The following ARNT2 variants were observed in gnomAD, a reference collection of about 807,000 sequenced individuals.
ARNT2 encodes aryl hydrocarbon receptor nuclear translocator 2.
In ARNT2, 36 loss-of-function variants were observed where a neutral mutation model predicts 91.7. The ratio of observed to expected loss-of-function variants is 0.39; its 90% CI spans 0.30 to 0.52. The LOEUF is 0.52. ARNT2 is among the 20% of genes least tolerant of loss of function. ARNT2 has a pLI of 0.72. For synonymous variants in ARNT2, 365 were observed against 347.1 expected (o/e 1.05, Z -0.57); for missense variants, 775 against 939.3 (o/e 0.83, Z 2.29).
intron 5 of ARNT2, among the ~76,000 whole-genome samples, chr15:80,488,210 G>A (rs1041351008): frequency 6.6e-6 from 1 of 152,254 alleles, no homozygotes; most frequent in Middle Eastern, 3.4e-3. Context: ...CTCTGTCCTG[G>A]ATAAAGAGGG....
intron 17 of ARNT2, among the ~76,000 whole-genome samples, chr15:80,585,638 CACTG>C (rs1221589473): frequency 6.6e-6 from 1 of 152,190 alleles, no homozygotes; most frequent in Non-Finnish European, 1.5e-5. Flanking sequence ...GCAGCCTGCC[CACTG>C]ACTGAGACAC....
intron 5 of ARNT2, among the ~76,000 whole-genome samples, chr15:80,493,256 AC>A (rs1182340983): frequency 1.3e-5 from 2 of 148,914 alleles, no homozygotes; most frequent in African/African-American, 5.0e-5. Flanking sequence ...TGACTTGATC[AC>A]CTCTTAAAGG....
chr15:80,568,600 A>G (rs1033346793), intron 12 of ARNT2, among the ~76,000 whole-genome samples: 9 of 152,206 alleles, frequency 5.9e-5, no homozygotes, highest in African/African-American at 1.7e-4. Flanking sequence ...GTACAAATGA[A>G]GTCAAAGGAA....
At chr15:80,420,452 G>A (rs1895846566) in intron 1 of ARNT2, among the ~76,000 whole-genome samples, 1 of 152,096 alleles carries the variant, frequency 6.6e-6, no homozygotes, top group Non-Finnish European at 1.5e-5. Flanking sequence ...GCATGTTTAA[G>A]GTAGGCTAAG....
rs144643678 is a variant in ARNT2, at chr15:80,548,801, C to T, written c.878-2398C>T. 2.7e-3 allele frequency among the ~76,000 whole-genome samples: 405 copies of T among 152,150 alleles called. 2 individuals carry two copies. Among genetic ancestry groups the T allele is most frequent in the African/African-American group, 9.5e-3 (395 of 41,532 alleles). ...ATCCTTTGTTCTTGGGAGGATAACTCAACATTGTAACTTCAGGAGATGTCA... is the reference window on the plus strand; with the variant it reads ...ATCCTTTGTTCTTGGGAGGATAACTTAACATTGTAACTTCAGGAGATGTCA... On this transcript the variant is annotated intron_variant, in intron 8 of 18. Coordinates refer to ENST00000303329, the MANE Select transcript of ARNT2 (RefSeq NM_014862.4).
At chr15:80,422,084 AC>A (rs1895868845) in intron 1 of ARNT2, among the ~76,000 whole-genome samples, 1 of 151,998 alleles carries the variant, frequency 6.6e-6, no homozygotes, top group Admixed American at 6.6e-5. Flanking sequence ...GAGAGGTGAG[AC>A]CTCCTCCTTC....
Position 80,581,233 on chromosome 15 carries a change from T to A in ARNT2, c.1753-6T>A, listed in dbSNP as rs374168526. ...TTTCCATCTCTTTGCTTTGTCCTGA[T>A]TGTAGCAAATCCCATCTCAGTCCAG... On this transcript the variant is annotated splice_polypyrimidine_tract_variant and splice_region_variant and intron_variant, in intron 16 of 18. Coordinates refer to ENST00000303329, the MANE Select transcript of ARNT2 (RefSeq NM_014862.4). The A allele has an allele frequency of 6.2e-7, 1 of 1,614,068 alleles. No individual in the cohort carries two copies. Among genetic ancestry groups the A allele is most frequent in the East Asian group, 2.2e-5 (1 of 44,868 alleles).
At chr15:80,472,004 A>G (rs1441142173) in intron 4 of ARNT2, among the ~76,000 whole-genome samples, 2 of 152,176 alleles carry the variant, frequency 1.3e-5, no homozygotes, top group Admixed American at 1.3e-4. Context: ...CAGTGTGCTC[A>G]TCTGTGAAAT....
chr15:80,432,762 T>C (rs1022810567), intron 1 of ARNT2, among the ~76,000 whole-genome samples: 1 of 152,042 alleles, frequency 6.6e-6, no homozygotes, highest in African/African-American at 2.4e-5. Flanking sequence ...AGGTATGGTC[T>C]CACCATCACA....
chr15:80,514,904 AC>A (rs1897408929), intron 8 of ARNT2, among the ~76,000 whole-genome samples: 1 of 152,092 alleles, frequency 6.6e-6, no homozygotes, highest in Non-Finnish European at 1.5e-5. Context: ...AAACAAACAA[AC>A]AAAAAACAAA....
intron 8 of ARNT2, among the ~76,000 whole-genome samples, chr15:80,532,079 A>T (rs1897749378): frequency 6.6e-6 from 1 of 152,200 alleles, no homozygotes; most frequent in African/African-American, 2.4e-5. Flanking sequence ...GTGCCAGGCT[A>T]AATGCTTAAT....
At position 80,535,728 on chromosome 15, in the gene ARNT2, GT is replaced by G. The variant is rs200894550; in HGVS notation, c.878-15457del. Among the ~76,000 whole-genome samples, 191 of 127,068 alleles carry G rather than the reference GT, an allele frequency of 1.5e-3. 1 individual carries two copies. In the East Asian group the frequency reaches 0.016, roughly 11 times the overall value. 83.4% of individuals were successfully genotyped at this position (127,068 alleles called of 152,430 possible). A position where few individuals can be genotyped will look rare whatever the true frequency, so the allele number is the denominator to read the frequency against. On this transcript the variant is annotated intron_variant, in intron 8 of 18. Transcript: ENST00000303329. ...GCTTATGTTGTTTTGCATCACACAG[GT>G]TTTTTTTTTTTTTGTCTGTTTAAAT...
rs576651981 is a variant in ARNT2 at position 80,511,343 on chromosome 15, T to C, written c.726-2568T>C. 6.6e-5 allele frequency among the ~76,000 whole-genome samples: 10 copies of C among 152,130 alleles called. No individual in the cohort carries two copies. The South Asian group carries it at 1.7e-3, about 25-fold the overall frequency. On this transcript the variant is annotated intron_variant, in intron 6 of 18. Transcript: ENST00000303329. ...CTAATGATGAAAACTCAGGGACACA[T>C]GGAGCAGAACAACACACGCTGGGGA...
intron 5 of ARNT2, among the ~76,000 whole-genome samples, chr15:80,481,396 A>G (rs1238504850): frequency 1.3e-5 from 2 of 152,110 alleles, no homozygotes; most frequent in African/African-American, 4.8e-5. Flanking sequence ...CACTCGGTGC[A>G]TGTTGCATTT....
intron 5 of ARNT2, among the ~76,000 whole-genome samples, chr15:80,499,056 C>A (rs967530710): frequency 1.3e-5 from 2 of 152,208 alleles, no homozygotes; most frequent in African/African-American, 4.8e-5. Flanking sequence ...ACAAATACAG[C>A]CTGGCAGGGG....
intron 12 of ARNT2, among the ~76,000 whole-genome samples, chr15:80,565,536 T>A (rs537264284): frequency 2.3e-5 from 3 of 131,744 alleles, no homozygotes; most frequent in Non-Finnish European, 5.0e-5. Context: ...GTTTTTGTTA[T>A]TGTTTTTTTT....
At position 80,593,844 on chromosome 15, in the gene ARNT2, C is replaced by T; in HGVS notation, c.*146C>T. ...CTCCCCCGCTGTGTGTCCCCAGGCG[C>T]ATCATTGCTCCACTCTCCCCTGCAG... On this transcript the variant is annotated 3_prime_UTR_variant, in exon 19 of 19. Transcript: ENST00000303329. The T allele has an allele frequency of 1.4e-6, 1 of 710,866 alleles. No individual in the cohort carries two copies. The highest frequency in any genetic ancestry group is 1.8e-5 in the South Asian group (1 of 54,818). 44.0% of individuals were successfully genotyped at this position (710,866 alleles called of 1,614,324 possible). A position where few individuals can be genotyped will look rare whatever the true frequency, so the allele number is the denominator to read the frequency against.
chr15:80,415,283 CATTA>C (rs1895761789), intron 1 of ARNT2, among the ~76,000 whole-genome samples: 1 of 152,254 alleles, frequency 6.6e-6, no homozygotes, highest in African/African-American at 2.4e-5. Flanking sequence ...CCAAGCCAGA[CATTA>C]ATTATTTTAA....
chr15:80,404,632 C>G lies in ARNT2; in HGVS notation c.31+86C>G, dbSNP rs1359823923. ...GCGGACCAGGCGCGCCGGGCGCCCC[C>G]GGGGGCGCGGAGCCGCAGCTCGGCG... On this transcript the variant is annotated intron_variant, in intron 1 of 18. Coordinates refer to ENST00000303329, the MANE Select transcript of ARNT2 (RefSeq NM_014862.4). The surrounding 1 kb of genome is among the most constrained non-coding windows in gnomAD (Gnocchi z 5.5). 1.2e-5 allele frequency: 11 copies of G among 919,778 alleles called. No homozygotes were observed. Among genetic ancestry groups the G allele is most frequent in the South Asian group, 5.0e-5 (1 of 20,082 alleles). 57.0% of individuals were successfully genotyped at this position (919,778 alleles called of 1,614,324 possible). A position where few individuals can be genotyped will look rare whatever the true frequency, so the allele number is the denominator to read the frequency against.
Sources: allele counts gnomAD v4.1 joint callset (sites outside exome capture counted in the v4.1 genomes callset), GRCh38; gene constraint gnomAD v4.1.1; non-coding constraint Gnocchi (gnomAD v3.1); transcripts MANE v1.5; gene names NCBI Gene and HGNC (gene_info 2026-07-23, HGNC 2026-07-21).